Variants in WWOX observed in about 807,000 individuals in gnomAD.
The protein encoded by WWOX is WW domain-containing oxidoreductase.
A neutral mutation model predicts 46.2 loss-of-function variants in WWOX; 69 were observed. The observed-to-expected ratio is 1.49, with a 90% confidence interval of 1.23 to 1.82. WWOX has a LOEUF of 1.82. Ranked by LOEUF, WWOX falls within the 40% of genes most tolerant of loss-of-function variation. The probability of loss-of-function intolerance (pLI) is 0.00; values close to 1 mark genes in which losing one functional copy is unlikely to be tolerated. For synonymous variants in WWOX, 359 were observed against 202.6 expected, an observed-to-expected ratio of 1.77 and a Z score of -6.56; for missense variants, 919 against 542.6, an observed-to-expected ratio of 1.69 and a Z score of -6.89.
chr16:78,886,899 T>C lies in WWOX; in HGVS notation c.1057-324709T>C, dbSNP rs984968396. Among the ~76,000 whole-genome samples, 17 of 152,192 alleles carry C rather than the reference T, an allele frequency of 1.1e-4. 1 individual carries two copies. Among genetic ancestry groups the C allele is most frequent in the Admixed American group, 1.1e-3 (17 of 15,280 alleles). ...CACAGATACAGGGGCAAGGCTACTT[T>C]TTCCTCGAACTAGTTCACCAAAGCT... On this transcript the variant is annotated intron_variant, in intron 8 of 8. Transcript: ENST00000566780.
chr16:78,464,514 A>T (rs74554162), intron 8 of WWOX, among the ~76,000 whole-genome samples: 1 of 152,162 alleles, frequency 6.6e-6, no homozygotes, highest in Admixed American at 6.5e-5. Flanking sequence ...GGTGCTTACC[A>T]TGTGCCATAT....
At chr16:78,466,219 G>C (rs960252174) in intron 8 of WWOX, among the ~76,000 whole-genome samples, 7 of 151,964 alleles carry the variant, frequency 4.6e-5, no homozygotes, top group South Asian at 2.1e-4. Flanking sequence ...TTTTAGTAGA[G>C]ACGGGGTTTC....
intron 8 of WWOX, among the ~76,000 whole-genome samples, chr16:78,818,140 G>C (rs1430253712): frequency 6.6e-6 from 1 of 152,194 alleles, no homozygotes. Flanking sequence ...TCGTGATTGG[G>C]TGGGCTGCCC....
At chr16:78,757,887 C>T (rs977726319) in intron 8 of WWOX, among the ~76,000 whole-genome samples, 1 of 151,934 alleles carries the variant, frequency 6.6e-6, no homozygotes. Flanking sequence ...GACTGAAGTA[C>T]CTCCTAAAGG....
intron 5 of WWOX, among the ~76,000 whole-genome samples, chr16:78,208,366 T>C (rs996114605): frequency 6.6e-6 from 1 of 152,142 alleles, no homozygotes; most frequent in Non-Finnish European, 1.5e-5. Context: ...TCTTGGTCCT[T>C]TAGGAGTCAT....
intron 8 of WWOX, among the ~76,000 whole-genome samples, chr16:78,539,731 C>G (rs2667634): frequency 0.54 from 82,098 of 151,968 alleles, 25,226 homozygotes; most frequent in Admixed American, 0.68. Flanking sequence ...AGAGGCAGCT[C>G]ATAATTAGTA....
At chr16:79,144,500 C>T (rs966357420) in intron 8 of WWOX, among the ~76,000 whole-genome samples, 1 of 152,140 alleles carries the variant, frequency 6.6e-6, no homozygotes, top group Non-Finnish European at 1.5e-5. Context: ...TCACGCTTGC[C>T]TCCTGCTAGT....
chr16:78,674,348 G>A (rs531364319), intron 8 of WWOX, among the ~76,000 whole-genome samples: 2 of 150,460 alleles, frequency 1.3e-5, no homozygotes, highest in Non-Finnish European at 2.9e-5. Flanking sequence ...GCAGTGGTGC[G>A]ATCTTGGCTC....
intron 8 of WWOX, among the ~76,000 whole-genome samples, chr16:78,920,733 A>G (rs1309359687): frequency 5.3e-5 from 8 of 152,146 alleles, no homozygotes; most frequent in Non-Finnish European, 1.0e-4. Context: ...CCTACTTTTT[A>G]TTATCAGCAC....
At chr16:78,142,496 A>C (rs977247508) in intron 4 of WWOX, among the ~76,000 whole-genome samples, 8 of 152,188 alleles carry the variant, frequency 5.3e-5, no homozygotes, top group Non-Finnish European at 8.8e-5. Flanking sequence ...TCATTCTCAC[A>C]GTTATATTTG....
At chr16:79,088,647 G>A (rs1490813799) in intron 8 of WWOX, among the ~76,000 whole-genome samples, 1 of 152,158 alleles carries the variant, frequency 6.6e-6, no homozygotes, top group Non-Finnish European at 1.5e-5. Context: ...TTTCTCAGAT[G>A]ATAACATCTG....
chr16:78,564,972 A>C (rs2044529928), intron 8 of WWOX, among the ~76,000 whole-genome samples: 1 of 152,208 alleles, frequency 6.6e-6, no homozygotes, highest in African/African-American at 2.4e-5. Flanking sequence ...GTAGAAAACG[A>C]AAACAACATC....
chr16:78,218,553 C>T (rs1396606879), intron 5 of WWOX, among the ~76,000 whole-genome samples: 1 of 152,028 alleles, frequency 6.6e-6, no homozygotes, highest in Non-Finnish European at 1.5e-5. Flanking sequence ...ACCGCCAACC[C>T]ACAGGAAAAC....
chr16:78,108,323 T>C (rs2032280413), intron 1 of WWOX, 100 bp from the exon 2 acceptor site: 2 of 1,210,084 alleles, frequency 1.7e-6, no homozygotes, highest in Non-Finnish European at 2.4e-6. Context: ...ACTTCCTTCT[T>C]ATATCTGGCT....
intron 8 of WWOX, among the ~76,000 whole-genome samples, chr16:78,766,229 A>T (rs578100918): frequency 6.6e-6 from 1 of 152,294 alleles, no homozygotes; most frequent in South Asian, 2.1e-4. Flanking sequence ...CCACCAGGTA[A>T]ACTTGAATCA....
chr16:78,767,823 C>G (rs1400610692), intron 8 of WWOX, among the ~76,000 whole-genome samples: 3 of 152,144 alleles, frequency 2.0e-5, no homozygotes, highest in Non-Finnish European at 2.9e-5. Flanking sequence ...AGCGTACTTT[C>G]ACGTGCCTAC....
chr16:78,673,458 A>G (rs1409372340), intron 8 of WWOX, among the ~76,000 whole-genome samples: 2 of 152,182 alleles, frequency 1.3e-5, no homozygotes, highest in African/African-American at 4.8e-5. Context: ...CCAGCACCAT[A>G]ACACGAAACC....
At chr16:78,814,524 G>A (rs1255284126) in intron 8 of WWOX, among the ~76,000 whole-genome samples, 1 of 151,244 alleles carries the variant, frequency 6.6e-6, no homozygotes, top group Non-Finnish European at 1.5e-5. Flanking sequence ...TTTCATATAT[G>A]TACAAAACAA....
In WWOX at chr16:78,334,825, C is replaced by G. The variant is rs889945085; in HGVS notation, c.517-52035C>G. On this transcript the variant is annotated intron_variant, in intron 5 of 8. Coordinates refer to ENST00000566780, the MANE Select transcript of WWOX (RefSeq NM_016373.4). ...ACACACACGCACACACACACACACACACACACATACACACACACACACACA... is the reference window on the plus strand; with the variant it reads ...ACACACACGCACACACACACACACAGACACACATACACACACACACACACA... Among the ~76,000 whole-genome samples, 215 of 130,670 alleles carry G rather than the reference C, an allele frequency of 1.6e-3. 1 individual carries two copies. The highest frequency in any genetic ancestry group is 7.2e-3 in the South Asian group (29 of 4,030). 85.7% of individuals were successfully genotyped at this position (130,670 alleles called of 152,430 possible).
Sources: allele counts gnomAD v4.1 joint callset (sites outside exome capture counted in the v4.1 genomes callset), GRCh38; gene constraint gnomAD v4.1.1; transcripts MANE v1.5; gene names NCBI Gene and HGNC (gene_info 2026-07-23, HGNC 2026-07-21).